STK39: variants seen among roughly 807,000 people sequenced by gnomAD.
The protein encoded by STK39 is STE20/SPS1-related proline-alanine-rich protein kinase.
Under a neutral mutation model 77.8 loss-of-function variants are expected in STK39, and 20 were observed. The ratio of observed to expected loss-of-function variants is 0.26; its 90% CI spans 0.18 to 0.37. The LOEUF (loss-of-function observed/expected upper bound fraction) is 0.37. Among genes scored for constraint, STK39 ranks in the 10% least tolerant of loss-of-function variants. The pLI is 1.00. For synonymous variants in STK39, 246 were observed against 234.1 expected (o/e 1.05, Z -0.47); for missense variants, 479 against 656.5 (o/e 0.73, Z 2.95).
chr2:168,027,946 T>A (rs1684742144), intron 14 of STK39, among the ~76,000 whole-genome samples: 1 of 152,240 alleles, frequency 6.6e-6, no homozygotes, highest in African/African-American at 2.4e-5. Context: ...ATAAATCGCA[T>A]GCAGAAATAT....
chr2:168,061,196 C>T (rs1574430627), intron 14 of STK39, among the ~76,000 whole-genome samples: 1 of 143,778 alleles, frequency 7.0e-6, no homozygotes, highest in South Asian at 2.3e-4. Flanking sequence ...TTTCAAAAGG[C>T]AATGAAAACT....
chr2:168,054,854 T>C (rs1208826214), intron 14 of STK39, among the ~76,000 whole-genome samples: 1 of 152,098 alleles, frequency 6.6e-6, no homozygotes, highest in Non-Finnish European at 1.5e-5. Context: ...AGATAACATC[T>C]AAACAAAAGG....
At chr2:168,075,061 A>G (rs1320791525) in intron 11 of STK39, 48 bp downstream of exon 11, 1 of 1,614,106 alleles carries the variant, frequency 6.2e-7, no homozygotes, top group South Asian at 1.1e-5. Flanking sequence ...ACACAATCAC[A>G]AAAATAAAAT....
At chr2:168,235,848 C>T (rs1451958472) in intron 1 of STK39, among the ~76,000 whole-genome samples, 1 of 152,130 alleles carries the variant, frequency 6.6e-6, no homozygotes, top group Non-Finnish European at 1.5e-5. Context: ...TTAATCCAGT[C>T]TATCATTGTT....
chr2:168,047,861 C>T (rs893410012), intron 14 of STK39, among the ~76,000 whole-genome samples: 5 of 152,160 alleles, frequency 3.3e-5, no homozygotes, highest in Non-Finnish European at 7.3e-5. Context: ...TACTTTGTGG[C>T]CAGGTATGCT....
At chr2:168,123,160 A>G (rs973829864) in intron 10 of STK39, among the ~76,000 whole-genome samples, 2 of 152,220 alleles carry the variant, frequency 1.3e-5, no homozygotes, top group African/African-American at 4.8e-5. Context: ...GGGACATTCT[A>G]TAAAATAACT....
intron 1 of STK39, among the ~76,000 whole-genome samples, chr2:168,236,140 C>T (rs1430401081): frequency 1.3e-5 from 2 of 152,026 alleles, no homozygotes; most frequent in African/African-American, 4.8e-5. Context: ...TTTTAATGAT[C>T]ACCATTCTAA....
At chr2:168,048,900 C>T (rs4668010) in intron 14 of STK39, among the ~76,000 whole-genome samples, 74,898 of 152,046 alleles carry the variant, frequency 0.49, 19,411 homozygotes, top group Admixed American at 0.56. Context: ...CCCTCAACAG[C>T]GTCACACAGA....
chr2:168,243,159 C>T (rs1470336890), intron 1 of STK39, among the ~76,000 whole-genome samples: 1 of 152,146 alleles, frequency 6.6e-6, no homozygotes, highest in African/African-American at 2.4e-5. Context: ...GCGAAGGTAC[C>T]ACTGTCCTCA....
At chr2:168,098,248 G>A (rs906149554) in intron 10 of STK39, among the ~76,000 whole-genome samples, 4 of 152,204 alleles carry the variant, frequency 2.6e-5, no homozygotes, top group Admixed American at 1.3e-4. Context: ...TGCATGGGAA[G>A]GGGGTGAGAG....
intron 1 of STK39, among the ~76,000 whole-genome samples, chr2:168,203,505 C>G (rs1162936464): frequency 6.6e-6 from 1 of 151,780 alleles, no homozygotes; most frequent in Admixed American, 6.6e-5. Context: ...AAAGTTGGGG[C>G]TCCACAGACA....
chr2:168,049,608 G>A (rs1685340714), intron 14 of STK39, among the ~76,000 whole-genome samples: 1 of 152,192 alleles, frequency 6.6e-6, no homozygotes, highest in Non-Finnish European at 1.5e-5. Flanking sequence ...CTGTAAATGA[G>A]AATAACATTA....
At chr2:167,965,983 T>C (rs1692148679) in intron 16 of STK39, among the ~76,000 whole-genome samples, 1 of 152,220 alleles carries the variant, frequency 6.6e-6, no homozygotes, top group Non-Finnish European at 1.5e-5. Context: ...GTACTCAATA[T>C]GGCCTATTTC....
intron 17 of STK39, among the ~76,000 whole-genome samples, chr2:167,956,716 TCTCTCTC>T (rs1559032374): frequency 3.5e-4 from 20 of 56,814 alleles, no homozygotes; most frequent in African/African-American, 1.5e-3. Flanking sequence ...TCTCTCTCTC[TCTCTCTC>T]TCTCTCCCCC....
intron 16 of STK39, among the ~76,000 whole-genome samples, chr2:167,966,858 T>C (rs566213541): frequency 2.0e-4 from 30 of 152,342 alleles, no homozygotes; most frequent in Non-Finnish European, 4.0e-4. Flanking sequence ...ATTTGGTTGA[T>C]TCTAATTTGT....
chr2:167,993,165 A>C (rs1683744741), intron 16 of STK39, among the ~76,000 whole-genome samples: 1 of 152,218 alleles, frequency 6.6e-6, no homozygotes, highest in Admixed American at 6.5e-5. Flanking sequence ...AAAAAGTTCT[A>C]AGACTATTTA....
At chr2:167,965,426 C>A (rs1332637458) in intron 16 of STK39, among the ~76,000 whole-genome samples, 1 of 152,164 alleles carries the variant, frequency 6.6e-6, no homozygotes, top group Non-Finnish European at 1.5e-5. Context: ...TAGCTGGATT[C>A]ATTGGAGATC....
chr2:168,086,259 C>T (rs1323869423), intron 10 of STK39, among the ~76,000 whole-genome samples: 3 of 151,794 alleles, frequency 2.0e-5, no homozygotes. Flanking sequence ...CTACCACACA[C>T]TTTAAGTCAT....
At chr2:167,955,703 A>G (rs1574341301) in intron 17 of STK39, 133 bp from the exon 18 acceptor site, 1 of 798,982 alleles carries the variant, frequency 1.3e-6, no homozygotes, top group Non-Finnish European at 2.0e-6. Context: ...CTTCCAGAAG[A>G]GAGACGCCAG....
Sources: allele counts gnomAD v4.1 joint callset (sites outside exome capture counted in the v4.1 genomes callset), GRCh38; gene constraint gnomAD v4.1.1; transcripts MANE v1.5; gene names NCBI Gene and HGNC (gene_info 2026-07-23, HGNC 2026-07-21).